LAMA4: variants seen among roughly 807,000 people sequenced by gnomAD.
LAMA4 encodes laminin subunit alpha-4.
In LAMA4, 127 loss-of-function variants were observed where a neutral mutation model predicts 207.1. The ratio of observed to expected loss-of-function variants is 0.61; its 90% CI spans 0.53 to 0.71. LAMA4 has a LOEUF of 0.71. Ranked by LOEUF, LAMA4 falls within the 30% of genes least tolerant of loss-of-function variation. The pLI is 0.00. For synonymous variants in LAMA4, 761 were observed against 816.0 expected (o/e 0.93, Z 1.15); for missense variants, 2,093 against 2,246.5 (o/e 0.93, Z 1.38).
intron 30 of LAMA4, 76 bp downstream of exon 30, chr6:112,129,800 C>T: frequency 5.2e-6 from 6 of 1,158,038 alleles, no homozygotes; most frequent in Non-Finnish European, 7.5e-6. Flanking sequence ...TCATAGTTCT[C>T]AGTTTTAATA....
At chr6:112,146,269 G>A (rs945482077) in intron 18 of LAMA4, among the ~76,000 whole-genome samples, 1 of 151,072 alleles carries the variant, frequency 6.6e-6, no homozygotes, top group African/African-American at 2.4e-5. Context: ...CAGCCGGGGC[G>A]ACAGAGCGAG....
intron 5 of LAMA4, among the ~76,000 whole-genome samples, chr6:112,199,981 G>A (rs2237242): frequency 0.62 from 93,654 of 152,014 alleles, 31,221 homozygotes; most frequent in African/African-American, 0.89. Context: ...ACTACATATC[G>A]TTTAGCTGCC....
intron 2 of LAMA4, among the ~76,000 whole-genome samples, chr6:112,226,094 T>A (rs1312242757): frequency 1.3e-5 from 2 of 152,252 alleles, no homozygotes; most frequent in Admixed American, 1.3e-4. Flanking sequence ...CACTATTTAG[T>A]TCAGGATCTT....
chr6:112,177,159 A>T (rs1554344042), intron 10 of LAMA4, among the ~76,000 whole-genome samples: 1 of 152,240 alleles, frequency 6.6e-6, no homozygotes, highest in East Asian at 1.9e-4. Flanking sequence ...AATATGAGCC[A>T]TGAGAGAGTA....
chr6:112,179,844 G>C (rs555832393), intron 9 of LAMA4: 2 of 513,810 alleles, frequency 3.9e-6, no homozygotes, highest in East Asian at 1.1e-4. Context: ...GCGGCAATGT[G>C]GTCATCAGTC....
At chr6:112,186,074 C>A (rs542890681) in intron 8 of LAMA4, among the ~76,000 whole-genome samples, 1 of 152,194 alleles carries the variant, frequency 6.6e-6, no homozygotes, top group Non-Finnish European at 1.5e-5. Flanking sequence ...ATCCAGGCTA[C>A]AATACAATTT....
At chr6:112,245,669 C>CA (rs5879143) in intron 2 of LAMA4, among the ~76,000 whole-genome samples, 138,852 of 152,144 alleles carry the variant, frequency 0.91, 63,495 homozygotes, top group African/African-American at 0.97. Context: ...GTCTACTCTG[C>CA]AAAGACTTGT....
chr6:112,128,899 G>T (rs1554328522), intron 31 of LAMA4, 23 bp downstream of exon 31: 1 of 1,607,566 alleles, frequency 6.2e-7, no homozygotes, highest in South Asian at 1.1e-5. Flanking sequence ...CAATTAGGAA[G>T]TCAGAACGGC....
At chr6:112,211,360 T>A (rs892553013) in intron 3 of LAMA4, among the ~76,000 whole-genome samples, 48 of 152,202 alleles carry the variant, frequency 3.2e-4, no homozygotes, top group African/African-American at 1.1e-3. Flanking sequence ...GTGACCCAAG[T>A]ATCTCATAAA....
intron 38 of LAMA4, among the ~76,000 whole-genome samples, chr6:112,110,626 A>G (rs927529788): frequency 9.9e-5 from 15 of 152,252 alleles, no homozygotes; most frequent in Non-Finnish European, 2.1e-4. Context: ...TAGTGTGACT[A>G]TTCTTCAAGC....
intron 17 of LAMA4, among the ~76,000 whole-genome samples, chr6:112,150,232 CACAG>C (rs1447153962): frequency 0.013 from 1,867 of 145,032 alleles, 34 homozygotes; most frequent in African/African-American, 0.045. Context: ...CACACACACA[CACAG>C]ACACACACAG....
At chr6:112,237,562 C>T (rs2072024) in intron 2 of LAMA4, among the ~76,000 whole-genome samples, 38,921 of 152,098 alleles carry the variant, frequency 0.26, 5,911 homozygotes, top group Admixed American at 0.43. Context: ...CCCGCTGCTC[C>T]GGAGGACTTG....
chr6:112,221,397 A>G lies in LAMA4; in HGVS notation c.196-4928T>C, dbSNP rs1205603101. Reference sequence around the variant, plus strand: ...TGAATTAGACTTAGAATTTGATTCAACAACTTTTGCTTCAGTTTATTGAGG... The same window carrying G: ...TGAATTAGACTTAGAATTTGATTCAGCAACTTTTGCTTCAGTTTATTGAGG... On this transcript the variant is annotated intron_variant, in intron 2 of 38. Coordinates refer to ENST00000230538, the MANE Select transcript of LAMA4 (RefSeq NM_001105206.3). 5.3e-5 allele frequency among the ~76,000 whole-genome samples: 8 copies of G among 152,190 alleles called. No individual in the cohort carries two copies. The East Asian group carries it at 1.5e-3, about 29-fold the overall frequency.
Position 112,168,333 on chromosome 6 carries a change from G to T in LAMA4, c.1552-3057C>A, listed in dbSNP as rs1378134423. Among the ~76,000 whole-genome samples the T allele has an allele frequency of 2.0e-5, 3 of 150,274 alleles. No homozygotes were observed. In the Admixed American group the frequency reaches 2.0e-4, roughly 10 times the overall value. On this transcript the variant is annotated intron_variant, in intron 12 of 38. Transcript: ENST00000230538. ...AGAGAGGAAGGAAGGACTCCTTCTG[G>T]CAGCTAGTGTTCTTTTTTTTTTTTT...
chr6:112,236,998 T>A (rs1275649338), intron 2 of LAMA4: 17 of 152,226 alleles, frequency 1.1e-4, no homozygotes, highest in African/African-American at 4.1e-4. Flanking sequence ...AAAAACTGAA[T>A]GAACATCTGG....
chr6:112,253,483 C>T lies in LAMA4; in HGVS notation c.195+473G>A, dbSNP rs1255067244. 35 of 401,706 alleles carry T rather than the reference C, an allele frequency of 8.7e-5. No individual in the cohort carries two copies. In the Admixed American group the frequency reaches 1.3e-3, roughly 15 times the overall value. The allele number at this position is 401,706 out of a possible 1,614,324, so 24.9% of individuals were successfully genotyped here. ...TCATGACCAGCCACTCTCACTCACCCCCTCACCTTCCCTGCTGCAGAAGAC... is the reference window on the plus strand; with the variant it reads ...TCATGACCAGCCACTCTCACTCACCTCCTCACCTTCCCTGCTGCAGAAGAC... On this transcript the variant is annotated intron_variant, in intron 2 of 38. Transcript: ENST00000230538.
intron 9 of LAMA4, chr6:112,179,991 T>G: frequency 1.9e-6 from 1 of 517,710 alleles, no homozygotes; most frequent in Non-Finnish European, 4.0e-6. Flanking sequence ...TAAAATTAAA[T>G]ATGCAGAAAC....
At chr6:112,172,850 C>A (rs202099574) in intron 11 of LAMA4, 46 bp from the exon 12 acceptor site, 2 of 1,521,728 alleles carry the variant, frequency 1.3e-6, no homozygotes, top group Non-Finnish European at 1.8e-6. Flanking sequence ...TTCTCCTGTT[C>A]GCTTCCATTC....
intron 8 of LAMA4, among the ~76,000 whole-genome samples, chr6:112,186,165 A>G (rs1782671617): frequency 6.6e-6 from 1 of 152,258 alleles, no homozygotes; most frequent in African/African-American, 2.4e-5. Flanking sequence ...AGTACTTAGT[A>G]TGCCAGGTAC....
Sources: allele counts gnomAD v4.1 joint callset (sites outside exome capture counted in the v4.1 genomes callset), GRCh38; gene constraint gnomAD v4.1.1; transcripts MANE v1.5; gene names NCBI Gene and HGNC (gene_info 2026-07-23, HGNC 2026-07-21).